CNTNAP4: variants seen among roughly 807,000 people sequenced by gnomAD.
The protein encoded by CNTNAP4 is contactin-associated protein-like 4.
In CNTNAP4, 98 loss-of-function variants were observed where a neutral mutation model predicts 148.4. The ratio of observed to expected loss-of-function variants is 0.66; its 90% CI spans 0.56 to 0.78. The LOEUF (loss-of-function observed/expected upper bound fraction) is 0.78. Among genes scored for constraint, CNTNAP4 ranks in the 30% least tolerant of loss-of-function variants. The pLI is 0.00. For synonymous variants in CNTNAP4, 730 were observed against 565.1 expected, an observed-to-expected ratio of 1.29 and a Z score of -4.14; for missense variants, 1,935 against 1,565.6, an observed-to-expected ratio of 1.24 and a Z score of -3.98.
chr16:76,347,137 T>TGTG (rs1964970814), intron 2 of CNTNAP4, among the ~76,000 whole-genome samples: 1 of 149,450 alleles, frequency 6.7e-6, no homozygotes, highest in African/African-American at 2.5e-5. Flanking sequence ...AGGCAATTGG[T>TGTG]TGTGTGTGTG....
chr16:76,507,532 A>G lies in CNTNAP4; in HGVS notation c.2365+8838A>G, dbSNP rs1353514188. On this transcript the variant is annotated intron_variant, in intron 15 of 23. Transcript: ENST00000611870. ...TACATAATGACCTCCAGTTCCATCC[A>G]TATTGTTGCAAATGATGGATTCTCA... Among the ~76,000 whole-genome samples, 2 of 97,260 alleles carry G rather than the reference A, an allele frequency of 2.1e-5. 1 individual carries two copies. The highest frequency in any genetic ancestry group is 5.8e-5 in the Non-Finnish European group (2 of 34,286). 63.8% of individuals were successfully genotyped at this position (97,260 alleles called of 152,430 possible).
intron 2 of CNTNAP4, among the ~76,000 whole-genome samples, chr16:76,352,995 A>G (rs1002983245): frequency 1.3e-5 from 2 of 152,198 alleles, no homozygotes; most frequent in African/African-American, 4.8e-5. Context: ...TGCTTAAAAG[A>G]TGAGAATATT....
chr16:76,288,811 A>G (rs566407515), intron 1 of CNTNAP4, among the ~76,000 whole-genome samples: 122 of 152,318 alleles, frequency 8.0e-4, no homozygotes, highest in African/African-American at 2.9e-3. Context: ...CACCAAAAAC[A>G]GAGAAGATGA....
chr16:76,420,486 A>G (rs1198351923), intron 3 of CNTNAP4, among the ~76,000 whole-genome samples: 1 of 152,004 alleles, frequency 6.6e-6, no homozygotes, highest in Non-Finnish European at 1.5e-5. Context: ...CAGATTGGAA[A>G]GATGGGAAGT....
At position 76,522,271 on chromosome 16, in the gene CNTNAP4, T is replaced by C. The variant is rs758598570; in HGVS notation, c.2755+14T>C. On this transcript the variant is annotated intron_variant, in intron 17 of 23. Coordinates refer to ENST00000611870, the MANE Select transcript of CNTNAP4 (RefSeq NM_033401.5). ...AGCTCTTCGTGGGTAAGTTCTCTTT[T>C]TAAGCAATCATTTTATTGTATGATA... The C allele has an allele frequency of 2.5e-6, 4 of 1,609,406 alleles. No individual in the cohort carries two copies. In the Admixed American group the frequency reaches 6.7e-5, roughly 27 times the overall value.
chr16:76,450,924 G>A (rs2080443265), intron 7 of CNTNAP4, among the ~76,000 whole-genome samples: 1 of 152,346 alleles, frequency 6.6e-6, no homozygotes, highest in Non-Finnish European at 1.5e-5. Flanking sequence ...GATCAGAGAA[G>A]TCATTAATTC....
chr16:76,465,931 A>C (rs1001440304), intron 9 of CNTNAP4, among the ~76,000 whole-genome samples: 4 of 152,212 alleles, frequency 2.6e-5, no homozygotes, highest in African/African-American at 9.6e-5. Context: ...AAAACAAAGC[A>C]TTAAGGAAAA....
chr16:76,467,393 C>T lies in CNTNAP4; in HGVS notation c.1525C>T (p.Leu509Phe), dbSNP rs1326923896. 6.2e-7 allele frequency: 1 copy of T among 1,613,736 alleles called. No homozygotes were observed. Among genetic ancestry groups the T allele is most frequent in the Admixed American group, 1.7e-5 (1 of 59,990 alleles). The stretch of plus-strand genomic sequence containing the variant: ...CTTTGGATCCAAATGTAAAAGTCCA[C>T]TTGGTGGATTTCAGGGATGTATGAG... ...KSFGSKCKSPLGGFQGCMRLI... is the reference protein window; with the variant it reads ...KSFGSKCKSPFGGFQGCMRLI... The change falls in exon 10 of 24, where the codon CTT becomes TTT. Residue 509 changes from leucine (L) to phenylalanine (F), a missense_variant. Physicochemically the swap from Leu to Phe is conservative, Grantham distance 22. Transcript: ENST00000611870.
intron 4 of CNTNAP4, among the ~76,000 whole-genome samples, chr16:76,442,105 C>T (rs1046234561): frequency 4.4e-4 from 67 of 152,026 alleles, no homozygotes; most frequent in African/African-American, 1.4e-3. Flanking sequence ...TTTATCCAGG[C>T]GGACCTGATG....
At chr16:76,329,575 A>G (rs1344297237) in intron 2 of CNTNAP4, among the ~76,000 whole-genome samples, 1 of 152,244 alleles carries the variant, frequency 6.6e-6, no homozygotes, top group Non-Finnish European at 1.5e-5. Flanking sequence ...CGATTCTCAA[A>G]TAAGACATTT....
intron 3 of CNTNAP4, among the ~76,000 whole-genome samples, chr16:76,372,393 C>T (rs545365895): frequency 1.4e-4 from 21 of 151,970 alleles, no homozygotes; most frequent in African/African-American, 5.1e-4. Context: ...CGTGATCTGC[C>T]CGCCTCGGCC....
intron 1 of CNTNAP4, among the ~76,000 whole-genome samples, chr16:76,307,539 T>TATATACATAC (rs558814796): frequency 8.4e-6 from 1 of 119,378 alleles, no homozygotes; most frequent in Admixed American, 9.7e-5. Context: ...TATATATATA[T>TATATACATAC]ACCAAACTCC....
intron 23 of CNTNAP4, chr16:76,557,363 A>G (rs1167914716): frequency 4.6e-5 from 7 of 152,240 alleles, no homozygotes. Flanking sequence ...ATGGTGTTAC[A>G]TGAAGCAAAA....
chr16:76,426,172 G>T (rs1448338026), intron 3 of CNTNAP4, among the ~76,000 whole-genome samples: 1 of 152,038 alleles, frequency 6.6e-6, no homozygotes, highest in Non-Finnish European at 1.5e-5. Context: ...TTGACAAGGA[G>T]AATCAAATTA....
intron 1 of CNTNAP4, among the ~76,000 whole-genome samples, chr16:76,298,274 G>A (rs760013681): frequency 2.0e-5 from 3 of 152,128 alleles, no homozygotes; most frequent in Non-Finnish European, 4.4e-5. Context: ...AACCTGAATA[G>A]AACTGTGTGT....
chr16:76,352,651 G>A (rs528117313), intron 2 of CNTNAP4, among the ~76,000 whole-genome samples: 2 of 152,264 alleles, frequency 1.3e-5, no homozygotes, highest in South Asian at 4.1e-4. Context: ...CTGACACAAA[G>A]GACTCCCTTG....
chr16:76,552,345 T>C (rs961305619), intron 21 of CNTNAP4, among the ~76,000 whole-genome samples: 2 of 152,182 alleles, frequency 1.3e-5, no homozygotes, highest in African/African-American at 4.8e-5. Context: ...ACCATATCAA[T>C]AGTTGTGCTA....
chr16:76,494,716 TAAC>T (rs2082339497), intron 13 of CNTNAP4, among the ~76,000 whole-genome samples, 191 bp from the exon 14 acceptor site: 2 of 152,298 alleles, frequency 1.3e-5, no homozygotes, highest in African/African-American at 4.8e-5. Context: ...GCCTAAATAA[TAAC>T]TTTTTTATAA....
At chr16:76,381,964 C>T (rs2016017647) in intron 3 of CNTNAP4, among the ~76,000 whole-genome samples, 2 of 141,504 alleles carry the variant, frequency 1.4e-5, no homozygotes. Context: ...GAGGCTGAGG[C>T]AGGAGAATGG....
Sources: gnomAD v4.1 joint callset for allele counts (sites outside exome capture counted in the v4.1 genomes callset) on GRCh38, gnomAD v4.1.1 for gene constraint, MANE v1.5 for transcripts, NCBI Gene and HGNC (gene_info 2026-07-23, HGNC 2026-07-21) for gene names.